Variants in ZNF804A observed in about 807,000 individuals in gnomAD.
The protein encoded by ZNF804A is zinc finger protein 804A.
ZNF804A carries 2 observed loss-of-function variants against 16.5 expected under a neutral mutation model. That is an observed-to-expected ratio of 0.12 (90% CI 0.05 to 0.38). ZNF804A has a LOEUF of 0.38. Ranked by LOEUF, ZNF804A falls within the 10% of genes least tolerant of loss-of-function variation. The pLI is 0.99. For missense variants in ZNF804A, 1,473 were observed against 1,390.7 expected (o/e 1.06, Z -0.94); for synonymous variants, 534 against 489.6 (o/e 1.09, Z -1.20).
rs932271078 is a variant in ZNF804A at position 184,611,244 on chromosome 2, A to G, written c.111+12174A>G. 3.3e-5 allele frequency among the ~76,000 whole-genome samples: 5 copies of G among 152,240 alleles called. No homozygotes were observed. The East Asian group carries it at 9.7e-4, about 30-fold the overall frequency. On this transcript the variant is annotated intron_variant, in intron 1 of 3. Coordinates refer to ENST00000302277, the MANE Select transcript of ZNF804A (RefSeq NM_194250.2). ...TTCCAAAGTCCTCATCTCTGATACC[A>G]TCACATTGGGGCTTAGAATTTCAAC...
At chr2:184,801,691 A>G (rs1694729390) in intron 1 of ZNF804A, among the ~76,000 whole-genome samples, 1 of 152,156 alleles carries the variant, frequency 6.6e-6, no homozygotes, top group South Asian at 2.1e-4. Context: ...TATGCTTTGC[A>G]TGTTATTTTT....
chr2:184,831,504 T>C (rs956523529), intron 1 of ZNF804A, among the ~76,000 whole-genome samples: 16 of 152,084 alleles, frequency 1.1e-4, no homozygotes, highest in Non-Finnish European at 1.5e-5. Context: ...TGATTTCAGT[T>C]TTTTTGTTCA....
intron 1 of ZNF804A, among the ~76,000 whole-genome samples, chr2:184,663,086 C>A (rs1474903361): frequency 6.6e-6 from 1 of 152,210 alleles, no homozygotes; most frequent in African/African-American, 2.4e-5. Flanking sequence ...ATGGCCAAGG[C>A]TGCATGCTCA....
chr2:184,923,642 G>GGTTTTCA (rs1011154016), intron 2 of ZNF804A, among the ~76,000 whole-genome samples: 10 of 151,916 alleles, frequency 6.6e-5, no homozygotes, highest in Non-Finnish European at 1.3e-4. Context: ...ACAAAGAAAA[G>GGTTTTCA]GTTTTCAGTT....
chr2:184,652,275 AGGAACCACTAGAGG>A (rs952275453), intron 1 of ZNF804A, among the ~76,000 whole-genome samples: 62 of 152,194 alleles, frequency 4.1e-4, no homozygotes, highest in African/African-American at 1.4e-3. Context: ...AATAGAAACC[AGGAACCACTAGAGG>A]GGAAGAAAGG....
intron 1 of ZNF804A, among the ~76,000 whole-genome samples, chr2:184,858,207 A>G (rs1204656511): frequency 1.3e-5 from 2 of 152,048 alleles, no homozygotes; most frequent in African/African-American, 2.4e-5. Flanking sequence ...GCTGCATTAA[A>G]ATAATAACAA....
rs188044633 is a variant in ZNF804A at position 184,691,489 on chromosome 2, T to A, written c.111+92419T>A. Among the ~76,000 whole-genome samples, 455 of 151,780 alleles carry A rather than the reference T, an allele frequency of 3.0e-3. 1 individual carries two copies. The highest frequency in any genetic ancestry group is 0.011 in the African/African-American group (441 of 41,498). ...TACTATTTTATTTTTATTTATGAAA[T>A]GGCTTCTTTGTTGAGACAAACTAGT... On this transcript the variant is annotated intron_variant, in intron 1 of 3. Transcript: ENST00000302277.
intron 1 of ZNF804A, among the ~76,000 whole-genome samples, chr2:184,728,505 C>A (rs2105746174): frequency 6.6e-6 from 1 of 151,912 alleles, no homozygotes; most frequent in South Asian, 2.1e-4. Flanking sequence ...AGCTTTAAGC[C>A]TGTGATTTCA....
chr2:184,613,984 C>T (rs960555078), intron 1 of ZNF804A, among the ~76,000 whole-genome samples: 1 of 152,076 alleles, frequency 6.6e-6, no homozygotes, highest in African/African-American at 2.4e-5. Context: ...CAAGACAATC[C>T]TAAGTAAAAA....
At chr2:184,773,760 A>C (rs1468863745) in intron 1 of ZNF804A, among the ~76,000 whole-genome samples, 1 of 151,954 alleles carries the variant, frequency 6.6e-6, no homozygotes, top group Non-Finnish European at 1.5e-5. Context: ...GAAAGAATTC[A>C]TGTAATGAGA....
At chr2:184,725,688 CCA>C (rs1299405496) in intron 1 of ZNF804A, among the ~76,000 whole-genome samples, 2 of 151,442 alleles carry the variant, frequency 1.3e-5, no homozygotes, top group Non-Finnish European at 3.0e-5. Flanking sequence ...TATCATTTTA[CCA>C]CATAGGTAAA....
At chr2:184,869,026 G>A (rs1033270089) in intron 2 of ZNF804A, among the ~76,000 whole-genome samples, 11 of 151,908 alleles carry the variant, frequency 7.2e-5, no homozygotes, top group Admixed American at 2.6e-4. Context: ...CTCTTCGTGC[G>A]CTGAAATGCA....
chr2:184,673,726 A>G (rs1282460646), intron 1 of ZNF804A, among the ~76,000 whole-genome samples: 2 of 152,230 alleles, frequency 1.3e-5, no homozygotes, highest in African/African-American at 4.8e-5. Context: ...TACCATTAAA[A>G]TAGACTACCA....
chr2:184,896,392 A>G (rs1685070121), intron 2 of ZNF804A, among the ~76,000 whole-genome samples: 1 of 152,168 alleles, frequency 6.6e-6, no homozygotes, highest in Non-Finnish European at 1.5e-5. Context: ...AGTTTACCTG[A>G]AATTTTCCAG....
chr2:184,856,879 C>T (rs965654062), intron 1 of ZNF804A, among the ~76,000 whole-genome samples: 2 of 152,048 alleles, frequency 1.3e-5, no homozygotes, highest in African/African-American at 4.8e-5. Context: ...ACACTCTAGT[C>T]TCAAGCATAT....
At chr2:184,916,632 G>A (rs906987813) in intron 2 of ZNF804A, among the ~76,000 whole-genome samples, 3 of 152,148 alleles carry the variant, frequency 2.0e-5, no homozygotes, top group Non-Finnish European at 4.4e-5. Flanking sequence ...GGTGGATCAT[G>A]AGGTCAAGAG....
chr2:184,691,540 C>A (rs542930014), intron 1 of ZNF804A, among the ~76,000 whole-genome samples: 1 of 151,452 alleles, frequency 6.6e-6, no homozygotes, highest in Non-Finnish European at 1.5e-5. Context: ...TATACATAAA[C>A]CTTTATGTAA....
At chr2:184,918,070 C>G (rs1023896739) in intron 2 of ZNF804A, among the ~76,000 whole-genome samples, 2 of 152,030 alleles carry the variant, frequency 1.3e-5, no homozygotes, top group Non-Finnish European at 2.9e-5. Flanking sequence ...ATGTCAGTCA[C>G]AGGAAATGGT....
chr2:184,669,768 A>ACTCACT (rs71403984), intron 1 of ZNF804A, among the ~76,000 whole-genome samples: 1 of 151,016 alleles, frequency 6.6e-6, no homozygotes, highest in East Asian at 1.9e-4. Context: ...ACACACGCAC[A>ACTCACT]CACACACACA....
Sources: allele counts gnomAD v4.1 joint callset (sites outside exome capture counted in the v4.1 genomes callset), GRCh38; gene constraint gnomAD v4.1.1; transcripts MANE v1.5; gene names NCBI Gene and HGNC (gene_info 2026-07-23, HGNC 2026-07-21).